SCN9A: variants seen among roughly 807,000 people sequenced by gnomAD.
The protein encoded by SCN9A is sodium voltage-gated channel alpha subunit 9.
Under a neutral mutation model 187.0 loss-of-function variants are expected in SCN9A, and 131 were observed. The ratio of observed to expected loss-of-function variants is 0.70; its 90% CI spans 0.61 to 0.81. The LOEUF (loss-of-function observed/expected upper bound fraction) is 0.81. SCN9A is among the 30% of genes least tolerant of loss of function. The pLI is 0.00. For missense variants in SCN9A, 2,252 were observed against 2,396.6 expected, an observed-to-expected ratio of 0.94 and a Z score of 1.26; for synonymous variants, 809 against 808.6, an observed-to-expected ratio of 1.00 and a Z score of -0.01.
At chr2:166,263,012 C>G (rs1244643603) in intron 17 of SCN9A, among the ~76,000 whole-genome samples, 1 of 151,966 alleles carries the variant, frequency 6.6e-6, no homozygotes, top group Non-Finnish European at 1.5e-5. Flanking sequence ...AGGCTCACAT[C>G]TGAATCCCTC....
rs200494490 is a variant in SCN9A at position 166,199,061 on chromosome 2, G to A, written c.5578C>T (p.Arg1860Cys). The A allele has an allele frequency of 1.2e-6, 2 of 1,614,098 alleles. No homozygotes were observed. Among genetic ancestry groups the A allele is most frequent in the Non-Finnish European group, 8.5e-7 (1 of 1,180,022 alleles). ...LGESGEMDSL[R>C]SQMEERFMSA... is the part of the protein sequence containing the mutation. ...ATGAACCTTTCTTCCATCTGTGAAC[G>A]AAGAGAATCCATCTCCCCACTCTCA... Residue 1860 changes from arginine to cysteine, a missense_variant, in exon 27 of 27, where the codon CGT becomes TGT. Physicochemically the swap from Arg to Cys is radical, Grantham distance 180 (BLOSUM62 -3). Around this residue, in one of 7 missense-constraint regions of SCN9A, gnomAD observed 345 missense variants for 344.6 expected, o/e 1.00. Coordinates refer to ENST00000642356, the MANE Select transcript of SCN9A (RefSeq NM_001365536.1).
At chr2:166,203,672 G>T (rs113703749) in intron 26 of SCN9A, among the ~76,000 whole-genome samples, 1,644 of 151,964 alleles carry the variant, frequency 0.011, 13 homozygotes, top group Middle Eastern at 0.02. Context: ...TATAAACATG[G>T]TAACTAGTTT....
intron 18 of SCN9A, among the ~76,000 whole-genome samples, chr2:166,247,470 A>G (rs1304788739): frequency 6.6e-6 from 1 of 152,094 alleles, no homozygotes; most frequent in Admixed American, 6.6e-5. Context: ...TGAAAGGAAG[A>G]TGATTTGGCT....
chr2:166,352,912 C>CT (rs1700072689), intron 1 of SCN9A, among the ~76,000 whole-genome samples: 1 of 151,776 alleles, frequency 6.6e-6, no homozygotes, highest in African/African-American at 2.4e-5. Context: ...CTTGTTAGTG[C>CT]TTTTTAACTT....
chr2:166,220,357 G>A (rs913294618), intron 24 of SCN9A, among the ~76,000 whole-genome samples: 4 of 152,146 alleles, frequency 2.6e-5, no homozygotes, highest in African/African-American at 9.7e-5. Context: ...ACCTTTAAGA[G>A]GTGTTTAAGT....
rs201318927 is a variant in SCN9A at position 166,284,634 on chromosome 2, C to G, written c.1793G>C (p.Arg598Pro). The change falls in exon 12 of 27, where the codon CGC becomes CCC. Residue 598 changes from arginine (R) to proline (P), a missense_variant. Coordinates refer to ENST00000642356, the MANE Select transcript of SCN9A (RefSeq NM_001365536.1). ...LFVPHRPQER[R>P]SSNISQASRS... is the part of the protein sequence containing the mutation. The stretch of plus-strand genomic sequence containing the variant: ...ACTGGCTTGGCTGATGTTACTGCTG[C>G]GTCGCTCCTGGGGTCTGTGGGGCAC... 6.2e-7 allele frequency: 1 copy of G among 1,613,990 alleles called. No homozygotes were observed. Among genetic ancestry groups the G allele is most frequent in the Non-Finnish European group, 8.5e-7 (1 of 1,179,870 alleles).
chr2:166,311,518 G>C lies in SCN9A; in HGVS notation c.239C>G (p.Pro80Arg). 1 of 1,606,800 alleles carries C rather than the reference G, an allele frequency of 6.2e-7. No homozygotes were observed. Among genetic ancestry groups the C allele is most frequent in the Non-Finnish European group, 8.5e-7 (1 of 1,176,482 alleles). The change falls in exon 2 of 27, where the codon CCC becomes CGC. Residue 80 changes from proline to arginine, a missense_variant. By Grantham distance (103) the Pro-to-Arg change is moderately radical. This residue lies in a region of SCN9A where 1,013 missense variants were observed against 997.4 expected (regional missense o/e 1.02). Transcript: ENST00000642356. ...ACTCACCTTTTTGTCTGCATAGTAG[G>C]GGTCCAAGTCCTCCAGGGGCTCTGA... Reference protein sequence around the residue: ...MVSEPLEDLDPYYADKKTFIV... With the variant: ...MVSEPLEDLDRYYADKKTFIV...
In SCN9A at chr2:166,199,261, G is replaced by T. The variant is rs1426546530; in HGVS notation, c.5378C>A (p.Ala1793Glu). ...TTTAGAGAACTCTATAAACTGGGTC[G>T]CATCGGGATCAAACTTCTCCCAAAC... ...YEVWEKFDPD[A>E]TQFIEFSKLS... Residue 1793 changes from alanine (A) to glutamate (E), a missense_variant, in exon 27 of 27, where the codon GCG (alanine) becomes GAG (glutamate). By Grantham distance (107) the Ala-to-Glu change is moderately radical. Around this residue, in one of 7 missense-constraint regions of SCN9A, gnomAD observed 345 missense variants for 344.6 expected, o/e 1.00. Transcript: ENST00000642356. The T allele has an allele frequency of 1.2e-6, 2 of 1,613,936 alleles. No individual in the cohort carries two copies. Among genetic ancestry groups the T allele is most frequent in the African/African-American group, 2.7e-5 (2 of 74,870 alleles).
At chr2:166,308,696 G>A (rs1483242474) in intron 2 of SCN9A, among the ~76,000 whole-genome samples, 1 of 152,108 alleles carries the variant, frequency 6.6e-6, no homozygotes, top group African/African-American at 2.4e-5. Flanking sequence ...GCCAAGGTGG[G>A]CAGAACACAA....
At position 166,256,343 on chromosome 2, in the gene SCN9A, T is replaced by G. The variant is rs577284564; in HGVS notation, c.3352-4458A>C. The stretch of plus-strand genomic sequence containing the variant: ...CCCCTTGAGGTCTCTACAATCTTTT[T>G]TTTTTGATATGAAATTTCTCAAGAT... On this transcript the variant is annotated intron_variant, in intron 17 of 26. Transcript: ENST00000642356. 5.3e-4 allele frequency among the ~76,000 whole-genome samples: 81 copies of G among 151,536 alleles called. 1 individual carries two copies. The highest frequency in any genetic ancestry group is 1.9e-3 in the African/African-American group (78 of 41,470).
rs570005998 is a variant in SCN9A, at chr2:166,367,972, TA to T, written c.-51+7724del. ...GTATGTTTGATTGCAAATGTAATTT[TA>T]TTTTAGCTCCATTAAGGGTTAAACA... On this transcript the variant is annotated intron_variant, in intron 1 of 26. Coordinates refer to ENST00000642356, the MANE Select transcript of SCN9A (RefSeq NM_001365536.1). 1.3e-3 allele frequency among the ~76,000 whole-genome samples: 191 copies of T among 152,388 alleles called. 1 individual carries two copies. Among genetic ancestry groups the T allele is most frequent in the African/African-American group, 4.5e-3 (188 of 41,596 alleles).
intron 18 of SCN9A, among the ~76,000 whole-genome samples, chr2:166,247,157 C>CAAAAAAAAAAAAACAA (rs1695825528): frequency 2.4e-5 from 1 of 41,836 alleles, no homozygotes; most frequent in Non-Finnish European, 4.1e-5. Context: ...CCAAAGCTCT[C>CAAAAAAAAAAAAACAA]AAAAAAAAAA....
In SCN9A at chr2:166,196,169, A is replaced by G. The variant is rs1375086057; in HGVS notation, c.*2503T>C. On this transcript the variant is annotated 3_prime_UTR_variant, in exon 27 of 27. Transcript: ENST00000642356. ...GCGATTATAAAATTTAAATATTAATATGACAGTGCCTTCTGAAGGGTGAAA... is the reference window on the plus strand; with the variant it reads ...GCGATTATAAAATTTAAATATTAATGTGACAGTGCCTTCTGAAGGGTGAAA... 6.6e-6 allele frequency: 1 copy of G among 152,184 alleles called. No individual in the cohort carries two copies. Among genetic ancestry groups the G allele is most frequent in the African/African-American group, 2.4e-5 (1 of 41,446 alleles). 9.4% of individuals were successfully genotyped at this position (152,184 alleles called of 1,614,324 possible). A position where few individuals can be genotyped will look rare whatever the true frequency, so the allele number is the denominator to read the frequency against.
chr2:166,210,477 A>C (rs181430186), intron 24 of SCN9A, among the ~76,000 whole-genome samples: 5 of 150,338 alleles, frequency 3.3e-5, no homozygotes, highest in Admixed American at 1.3e-4. Flanking sequence ...TAAAAATAAA[A>C]AAATAAAAAA....
intron 1 of SCN9A, among the ~76,000 whole-genome samples, chr2:166,341,217 T>C (rs1699777923): frequency 6.6e-6 from 1 of 152,226 alleles, no homozygotes; most frequent in African/African-American, 2.4e-5. Flanking sequence ...CAAGAATAAC[T>C]TAGACATATC....
chr2:166,231,942 C>T (rs538089286), intron 21 of SCN9A, among the ~76,000 whole-genome samples: 3 of 152,042 alleles, frequency 2.0e-5, no homozygotes, highest in African/African-American at 7.2e-5. Context: ...AAGTAAAATA[C>T]AATATAATGA....
At chr2:166,234,087 A>T (rs541914073) in intron 20 of SCN9A, among the ~76,000 whole-genome samples, 16 of 152,174 alleles carry the variant, frequency 1.1e-4, no homozygotes, top group Non-Finnish European at 2.2e-4. Context: ...CACAATCAAT[A>T]TAGATATAAT....
intron 13 of SCN9A, among the ~76,000 whole-genome samples, chr2:166,281,145 C>T (rs1697467265): frequency 6.6e-6 from 1 of 152,072 alleles, no homozygotes; most frequent in Non-Finnish European, 1.5e-5. Context: ...CACTTTGCCC[C>T]CACAATGGGA....
At chr2:166,205,694 G>A (rs1165348654) in intron 24 of SCN9A, among the ~76,000 whole-genome samples, 10 of 152,102 alleles carry the variant, frequency 6.6e-5, no homozygotes, top group Non-Finnish European at 1.5e-4. Flanking sequence ...CTTCTGCAAA[G>A]CAAAAGAAAC....
Sources: gnomAD v4.1 joint callset for allele counts (sites outside exome capture counted in the v4.1 genomes callset) on GRCh38, gnomAD v4.1.1 for gene constraint, gnomAD v4.1.1 regional missense constraint, MANE v1.5 for transcripts, NCBI Gene and HGNC (gene_info 2026-07-23, HGNC 2026-07-21) for gene names.